Variants in MTUS2 observed in about 807,000 individuals in gnomAD.
MTUS2 encodes microtubule associated scaffold protein 2, also known as microtubule-associated tumor suppressor candidate 2.
In MTUS2, 40 loss-of-function variants were observed where a neutral mutation model predicts 114.1. That is an observed-to-expected ratio of 0.35 (90% confidence interval 0.27 to 0.46). The LOEUF (loss-of-function observed/expected upper bound fraction) is 0.46. Among genes scored for constraint, MTUS2 ranks in the 20% least tolerant of loss-of-function variants. MTUS2 has a pLI of 1.00. For missense variants in MTUS2, 1,679 were observed against 1,705.4 expected (o/e 0.98, Z 0.27); for synonymous variants, 688 against 672.0 (o/e 1.02, Z -0.37).
intron 5 of MTUS2, among the ~76,000 whole-genome samples, chr13:29,252,644 G>T (rs1283225446): frequency 6.6e-6 from 1 of 152,062 alleles, no homozygotes; most frequent in Non-Finnish European, 1.5e-5. Flanking sequence ...CACGTGTTAT[G>T]GGAGGGACCC....
intron 8 of MTUS2, among the ~76,000 whole-genome samples, chr13:29,361,125 C>G (rs1011289424): frequency 1.3e-5 from 2 of 152,136 alleles, no homozygotes; most frequent in African/African-American, 4.8e-5. Context: ...CAGGAAAATT[C>G]CTTGTTGGCC....
chr13:29,396,693 C>T (rs1873939666), intron 8 of MTUS2, among the ~76,000 whole-genome samples: 1 of 152,202 alleles, frequency 6.6e-6, no homozygotes, highest in Non-Finnish European at 1.5e-5. Flanking sequence ...CAATTCCTTA[C>T]ATCAAATACT....
intron 2 of MTUS2, among the ~76,000 whole-genome samples, chr13:28,987,311 G>C (rs982735847): frequency 2.0e-5 from 3 of 152,148 alleles, no homozygotes; most frequent in African/African-American, 7.2e-5. Flanking sequence ...GAAGGATGCA[G>C]CACATCTAGT....
chr13:28,850,738 T>G (rs889483843), intron 2 of MTUS2, among the ~76,000 whole-genome samples: 2 of 152,234 alleles, frequency 1.3e-5, no homozygotes, highest in African/African-American at 4.8e-5. Context: ...TTTAGACAGT[T>G]GATTCATTTT....
intron 1 of MTUS2, among the ~76,000 whole-genome samples, chr13:28,821,989 T>C (rs1038237407): frequency 1.3e-5 from 2 of 152,236 alleles, no homozygotes; most frequent in African/African-American, 4.8e-5. Flanking sequence ...TATATTTCAT[T>C]TGCAGAAGTA....
chr13:28,879,827 G>C (rs1485190722), intron 2 of MTUS2, among the ~76,000 whole-genome samples: 2 of 151,202 alleles, frequency 1.3e-5, no homozygotes, highest in Admixed American at 1.3e-4. Flanking sequence ...ATGTATCTAA[G>C]TGTGATTGGC....
chr13:29,383,217 A>AGTGTGTGT (rs1297604822), intron 8 of MTUS2, among the ~76,000 whole-genome samples: 2 of 105,572 alleles, frequency 1.9e-5, no homozygotes, highest in African/African-American at 6.0e-5. Flanking sequence ...AGGAAAATTG[A>AGTGTGTGT]GTGTGTGTGT....
At chr13:29,226,644 T>C (rs188211406) in intron 5 of MTUS2, among the ~76,000 whole-genome samples, 1 of 147,420 alleles carries the variant, frequency 6.8e-6, no homozygotes, top group East Asian at 2.0e-4. Context: ...ATCAGAATTC[T>C]AAAATGTGGA....
chr13:28,965,102 A>G (rs1883518746), intron 2 of MTUS2, among the ~76,000 whole-genome samples: 1 of 152,138 alleles, frequency 6.6e-6, no homozygotes, highest in African/African-American at 2.4e-5. Flanking sequence ...TGTTGTCATA[A>G]TGAAGTTCAC....
intron 5 of MTUS2, among the ~76,000 whole-genome samples, chr13:29,150,278 A>G (rs193122663): frequency 1.5e-4 from 23 of 152,096 alleles, no homozygotes; most frequent in Admixed American, 9.2e-4. Flanking sequence ...TTTTGTAGCA[A>G]TTGTGAGTGG....
chr13:29,299,517 T>C (rs914305743), intron 6 of MTUS2, among the ~76,000 whole-genome samples: 29 of 152,166 alleles, frequency 1.9e-4, no homozygotes, highest in African/African-American at 7.0e-4. Flanking sequence ...CTTACACACC[T>C]AATTATTGAG....
intron 2 of MTUS2, among the ~76,000 whole-genome samples, chr13:29,002,471 A>G (rs1365816252): frequency 2.0e-5 from 3 of 152,186 alleles, no homozygotes; most frequent in Admixed American, 1.3e-4. Context: ...ATCTATTACA[A>G]AGTGGTTTCA....
At chr13:28,840,977 G>T (rs1204140454) in intron 2 of MTUS2, among the ~76,000 whole-genome samples, 1 of 152,222 alleles carries the variant, frequency 6.6e-6, no homozygotes, top group Non-Finnish European at 1.5e-5. Flanking sequence ...GTGATTTATA[G>T]TATGTGCTTT....
At chr13:28,858,638 C>T (rs1365873295) in intron 2 of MTUS2, among the ~76,000 whole-genome samples, 1 of 152,184 alleles carries the variant, frequency 6.6e-6, no homozygotes, top group Admixed American at 6.5e-5. Context: ...GGGACATATA[C>T]TTTAAAATAG....
chr13:29,329,702 C>T (rs1464576427), intron 7 of MTUS2, among the ~76,000 whole-genome samples: 1 of 150,518 alleles, frequency 6.6e-6, no homozygotes, highest in African/African-American at 2.4e-5. Flanking sequence ...CAACCTGTGC[C>T]TCCTGGGTTC....
chr13:28,963,510 C>T (rs184501957), intron 2 of MTUS2, among the ~76,000 whole-genome samples: 33 of 152,274 alleles, frequency 2.2e-4, no homozygotes, highest in South Asian at 2.1e-4. Flanking sequence ...ACAGCATAAA[C>T]GTGTGTGTAT....
rs1422810364 is a variant in MTUS2 at position 29,389,376 on chromosome 13, T to C, written c.3117+29903T>C. On this transcript the variant is annotated intron_variant, in intron 8 of 15. Coordinates refer to ENST00000612955, the MANE Select transcript of MTUS2 (RefSeq NM_001033602.4). ...GTATATATGTATGCACGTGTGTGTA[T>C]ATATGTATACACGTGTGTGTATATA... Among the ~76,000 whole-genome samples, 53 of 27,242 alleles carry C rather than the reference T, an allele frequency of 1.9e-3. 9 individuals are homozygous for C. The highest frequency in any genetic ancestry group is 3.6e-3 in the African/African-American group (52 of 14,322). The allele number at this position is 27,242 out of a possible 152,430, so 17.9% of individuals were successfully genotyped here.
chr13:29,056,583 T>C (rs1400695407), intron 4 of MTUS2, among the ~76,000 whole-genome samples: 1 of 152,062 alleles, frequency 6.6e-6, no homozygotes, highest in African/African-American at 2.4e-5. Context: ...TGTGTGTTTC[T>C]AGGAATTTAT....
At chr13:29,206,423 C>T (rs1895187580) in intron 5 of MTUS2, among the ~76,000 whole-genome samples, 1 of 152,078 alleles carries the variant, frequency 6.6e-6, no homozygotes, top group Non-Finnish European at 1.5e-5. Context: ...TCAGCCCCAA[C>T]TATTTATCTC....
Sources: gnomAD v4.1 joint callset for allele counts (sites outside exome capture counted in the v4.1 genomes callset) on GRCh38, gnomAD v4.1.1 for gene constraint, MANE v1.5 for transcripts, NCBI Gene and HGNC (gene_info 2026-07-23, HGNC 2026-07-21) for gene names.